The following PAMR1 variants were observed in gnomAD, a reference collection of about 807,000 sequenced individuals.
PAMR1 encodes the protein inactive serine protease PAMR1.
PAMR1 carries 88 observed loss-of-function variants against 81.8 expected under a neutral mutation model. The observed-to-expected ratio is 1.08, with a 90% CI of 0.91 to 1.28. PAMR1 has a LOEUF of 1.28. PAMR1 is among the 50% of genes most tolerant of loss of function. PAMR1 has a pLI of 0.00. For synonymous variants in PAMR1, 336 were observed against 345.3 expected, an observed-to-expected ratio of 0.97 and a Z score of 0.30; for missense variants, 935 against 919.7, an observed-to-expected ratio of 1.02 and a Z score of -0.21.
rs2135401935 is a variant in PAMR1, at chr11:35,494,238, T to C, written c.108A>G (p.Ala36=). ...YTVINEACPG[A]EWNIMCRECC... is the part of the protein sequence containing the mutation. ...ACTCCCGACACATGATATTCCACTC[T>C]GCTCCAGGGCAGGCTTCATTAATGA... Residue 36 remains alanine (A), a synonymous_variant, in exon 2 of 11, where the codon GCA becomes GCG. Coordinates refer to ENST00000619888, the MANE Select transcript of PAMR1 (RefSeq NM_001001991.3). 6.2e-7 allele frequency: 1 copy of C among 1,614,216 alleles called. No individual in the cohort carries two copies. Among genetic ancestry groups the C allele is most frequent in the East Asian group, 2.2e-5 (1 of 44,888 alleles).
At position 35,519,535 on chromosome 11, in the gene PAMR1, G is replaced by A. The variant is rs1590401786; in HGVS notation, c.73+5978C>T. Among the ~76,000 whole-genome samples the A allele has an allele frequency of 2.6e-5, 4 of 152,302 alleles. No homozygotes were observed. The South Asian group carries it at 8.3e-4, about 32-fold the overall frequency. ...GGACAAAGAAATTCTCACCTCTCAT[G>A]TCTACTGGGAGCAAGGTACATGACA... On this transcript the variant is annotated intron_variant, in intron 1 of 10. Coordinates refer to ENST00000619888, the MANE Select transcript of PAMR1 (RefSeq NM_001001991.3).
chr11:35,486,562 C>T (rs1850512651), intron 3 of PAMR1, among the ~76,000 whole-genome samples: 1 of 152,176 alleles, frequency 6.6e-6, no homozygotes, highest in African/African-American at 2.4e-5. Flanking sequence ...TGCTCTGAGC[C>T]AGTTCTGCTG....
intron 6 of PAMR1, among the ~76,000 whole-genome samples, chr11:35,460,395 A>G (rs1324639616): frequency 1.3e-5 from 2 of 151,012 alleles, no homozygotes; most frequent in East Asian, 3.9e-4. Flanking sequence ...TTACATATGT[A>G]TACATGTGCC....
chr11:35,462,064 C>G (rs1242962777), intron 6 of PAMR1, among the ~76,000 whole-genome samples: 1 of 149,808 alleles, frequency 6.7e-6, no homozygotes, highest in Non-Finnish European at 1.5e-5. Flanking sequence ...TCTCCCTGTC[C>G]GTTTAACAAA....
chr11:35,511,960 C>G (rs1302402646), intron 1 of PAMR1, among the ~76,000 whole-genome samples: 1 of 152,152 alleles, frequency 6.6e-6, no homozygotes, highest in Non-Finnish European at 1.5e-5. Context: ...GCCAACCTGT[C>G]ACCAAGTGAC....
intron 2 of PAMR1, among the ~76,000 whole-genome samples, chr11:35,492,759 G>A (rs148207166): frequency 5.9e-5 from 9 of 152,278 alleles, no homozygotes; most frequent in Non-Finnish European, 2.9e-5. Flanking sequence ...TAGGCTCACC[G>A]TGGAATGTGT....
intron 7 of PAMR1, among the ~76,000 whole-genome samples, chr11:35,440,137 A>G (rs1400489): frequency 0.38 from 57,183 of 152,030 alleles, 11,302 homozygotes; most frequent in African/African-American, 0.5. Flanking sequence ...TGATTCCTCC[A>G]TGTTCTTTCT....
chr11:35,479,515 G>A (rs556778440), intron 3 of PAMR1, among the ~76,000 whole-genome samples: 1 of 152,332 alleles, frequency 6.6e-6, no homozygotes, highest in Admixed American at 6.5e-5. Context: ...CTCGAGTCTT[G>A]TCTGGATCTG....
At chr11:35,515,828 T>C (rs1851152625) in intron 1 of PAMR1, among the ~76,000 whole-genome samples, 1 of 138,432 alleles carries the variant, frequency 7.2e-6, no homozygotes. Flanking sequence ...ATGCCAAGTC[T>C]TTTGGGATTC....
At chr11:35,480,604 G>A (rs771596215) in intron 3 of PAMR1, among the ~76,000 whole-genome samples, 53 of 151,898 alleles carry the variant, frequency 3.5e-4, no homozygotes, top group Non-Finnish European at 5.2e-4. Context: ...TTTCCAGTTG[G>A]TTTCTTTTTT....
At chr11:35,439,528 T>C in intron 8 of PAMR1, 99 bp downstream of exon 8, 1 of 998,958 alleles carries the variant, frequency 1.0e-6, no homozygotes, top group Non-Finnish European at 1.6e-6. Flanking sequence ...CTAAGAAACC[T>C]CAAACTGACT....
intron 6 of PAMR1, among the ~76,000 whole-genome samples, chr11:35,445,496 T>C (rs1340054150): frequency 1.3e-5 from 2 of 152,240 alleles, no homozygotes; most frequent in African/African-American, 4.8e-5. Flanking sequence ...ATGGCTTTTA[T>C]TTTGAGGTAT....
chr11:35,485,724 A>C (rs137959323), intron 3 of PAMR1, among the ~76,000 whole-genome samples: 390 of 152,346 alleles, frequency 2.6e-3, no homozygotes, highest in African/African-American at 8.9e-3. Flanking sequence ...TCTAACCCAC[A>C]TATAAAACAG....
In PAMR1 at chr11:35,450,570, G is replaced by A. The variant is rs538646356; in HGVS notation, c.821-8877C>T. ...AGCAGTCCATGTTGCTTCACTGATG[G>A]TGGTAGCTTCTAATAGCACAGATTC... On this transcript the variant is annotated intron_variant, in intron 6 of 10. Coordinates refer to ENST00000619888, the MANE Select transcript of PAMR1 (RefSeq NM_001001991.3). Among the ~76,000 whole-genome samples the A allele has an allele frequency of 5.9e-5, 9 of 152,328 alleles. No individual in the cohort carries two copies. In the South Asian group the frequency reaches 1.9e-3, roughly 32 times the overall value.
intron 1 of PAMR1, among the ~76,000 whole-genome samples, chr11:35,522,826 T>C (rs1851307745): frequency 2.0e-5 from 3 of 152,216 alleles, no homozygotes. Context: ...AAAACACGGA[T>C]AATAACAGCA....
At chr11:35,448,770 CATG>C (rs1856349736) in intron 6 of PAMR1, among the ~76,000 whole-genome samples, 1 of 152,190 alleles carries the variant, frequency 6.6e-6, no homozygotes, top group African/African-American at 2.4e-5. Flanking sequence ...TTCTCATCTT[CATG>C]GGTTTATCTA....
chr11:35,447,022 G>T (rs936988987), intron 6 of PAMR1, among the ~76,000 whole-genome samples: 2 of 152,012 alleles, frequency 1.3e-5, no homozygotes, highest in African/African-American at 4.8e-5. Context: ...TTCCTGTATT[G>T]GGTGCATATA....
chr11:35,456,004 T>C (rs990308759), intron 6 of PAMR1, among the ~76,000 whole-genome samples: 1 of 152,154 alleles, frequency 6.6e-6, no homozygotes, highest in Non-Finnish European at 1.5e-5. Flanking sequence ...AGAGAGTTAA[T>C]AGTTCCAACT....
At chr11:35,509,444 G>A (rs1851034352) in intron 1 of PAMR1, among the ~76,000 whole-genome samples, 1 of 152,204 alleles carries the variant, frequency 6.6e-6, no homozygotes, top group South Asian at 2.1e-4. Flanking sequence ...CTAAGGGCCA[G>A]TTCCAGAAAC....
Sources: allele counts gnomAD v4.1 joint callset (sites outside exome capture counted in the v4.1 genomes callset), GRCh38; gene constraint gnomAD v4.1.1; transcripts MANE v1.5; gene names NCBI Gene and HGNC (gene_info 2026-07-23, HGNC 2026-07-21).